ABHD12: variants seen among roughly 807,000 people sequenced by gnomAD.
The protein encoded by ABHD12 is abhydrolase domain containing 12, lysophospholipase.
Under a neutral mutation model 58.3 loss-of-function variants are expected in ABHD12, and 43 were observed. The observed-to-expected ratio is 0.74, with a 90% CI of 0.58 to 0.95. The LOEUF is 0.95. Among genes scored for constraint, ABHD12 ranks in the 40% least tolerant of loss-of-function variants. ABHD12 has a pLI of 0.00. For missense variants in ABHD12, 539 were observed against 537.2 expected (o/e 1.00, Z -0.03); for synonymous variants, 219 against 211.2 (o/e 1.04, Z -0.32).
At chr20:25,351,115 T>C (rs1041703825) in intron 1 of ABHD12, among the ~76,000 whole-genome samples, 1 of 152,174 alleles carries the variant, frequency 6.6e-6, no homozygotes, top group African/African-American at 2.4e-5. Flanking sequence ...GATCTGTCTA[T>C]TGTCATTTAA....
At chr20:25,304,336 G>C (rs561748046) in intron 10 of ABHD12, among the ~76,000 whole-genome samples, 119 of 152,364 alleles carry the variant, frequency 7.8e-4, no homozygotes, top group African/African-American at 2.8e-3. Context: ...TCTGATGTGC[G>C]AGTCCCTCTC....
chr20:25,372,846 C>A (rs1159760540), intron 1 of ABHD12, among the ~76,000 whole-genome samples: 4 of 152,200 alleles, frequency 2.6e-5, no homozygotes, highest in Non-Finnish European at 5.9e-5. Context: ...ATGTCCTAAG[C>A]CTTCACATTC....
At chr20:25,303,240 C>T (rs1053012045) in intron 11 of ABHD12, 2 of 1,235,518 alleles carry the variant, frequency 1.6e-6, no homozygotes, top group Non-Finnish European at 2.1e-6. Flanking sequence ...GCTCTGATAA[C>T]ATAGGCAGCC....
intron 1 of ABHD12, among the ~76,000 whole-genome samples, chr20:25,385,030 C>T (rs2090070352): frequency 6.6e-6 from 1 of 152,008 alleles, no homozygotes; most frequent in Non-Finnish European, 1.5e-5. Context: ...ATATTACTGA[C>T]TAGCCTAAAT....
At chr20:25,356,673 C>T (rs78099514) in intron 1 of ABHD12, among the ~76,000 whole-genome samples, 2,566 of 152,298 alleles carry the variant, frequency 0.017, 34 homozygotes, top group Non-Finnish European at 0.024. Flanking sequence ...AAAAGCCCTG[C>T]GGAGCACCAG....
At chr20:25,316,107 G>A (rs2088956557) in intron 5 of ABHD12, among the ~76,000 whole-genome samples, 1 of 152,234 alleles carries the variant, frequency 6.6e-6, no homozygotes, top group South Asian at 2.1e-4. Context: ...TTGCTGGGGT[G>A]AGCCTACGAC....
chr20:25,315,422 A>AT (rs950136349), intron 5 of ABHD12, among the ~76,000 whole-genome samples: 4 of 150,846 alleles, frequency 2.7e-5, no homozygotes, highest in East Asian at 2.0e-4. Flanking sequence ...GCTCTTGTCA[A>AT]TTTTTTTTTC....
At chr20:25,372,054 T>C (rs1050281189) in intron 1 of ABHD12, among the ~76,000 whole-genome samples, 42 of 152,088 alleles carry the variant, frequency 2.8e-4, no homozygotes, top group African/African-American at 9.7e-4. Flanking sequence ...TAGGCTGGAG[T>C]GCAGTGGCAT....
At chr20:25,352,122 G>C (rs1482502718) in intron 1 of ABHD12, among the ~76,000 whole-genome samples, 4 of 151,824 alleles carry the variant, frequency 2.6e-5, no homozygotes, top group Non-Finnish European at 4.4e-5. Context: ...CTCCCAAGTA[G>C]CTGGGATTAC....
chr20:25,318,556 G>A (rs1379936376), intron 4 of ABHD12, among the ~76,000 whole-genome samples: 1 of 152,174 alleles, frequency 6.6e-6, no homozygotes, highest in Non-Finnish European at 1.5e-5. Context: ...AGCAGGCAAC[G>A]TGGGGGTGGC....
chr20:25,339,492 C>A (rs1395936274), intron 1 of ABHD12, 141 bp from the exon 2 acceptor site: 2 of 1,412,578 alleles, frequency 1.4e-6, no homozygotes, highest in East Asian at 4.8e-5. Flanking sequence ...ATAAAAGTAG[C>A]CTCCCACCTG....
intron 2 of ABHD12, among the ~76,000 whole-genome samples, chr20:25,326,459 T>C (rs185632938): frequency 1.2e-4 from 18 of 152,310 alleles, no homozygotes; most frequent in African/African-American, 4.1e-4. Flanking sequence ...TTTTAGGACC[T>C]CAAGAGGAGA....
At chr20:25,338,942 A>G in intron 2 of ABHD12, 1 of 1,216,842 alleles carries the variant, frequency 8.2e-7, no homozygotes, top group Non-Finnish European at 1.0e-6. Context: ...TGTGGACAGA[A>G]ATCCAGTGCT....
chr20:25,369,256 G>C (rs541811661), intron 1 of ABHD12, among the ~76,000 whole-genome samples: 1 of 152,162 alleles, frequency 6.6e-6, no homozygotes, highest in Non-Finnish European at 1.5e-5. Flanking sequence ...CGTCTTTAGA[G>C]AAATGTCTCT....
In ABHD12 at chr20:25,300,653, C is replaced by A; in HGVS notation, c.*192G>T. On this transcript the variant is annotated 3_prime_UTR_variant, in exon 13 of 13. Transcript: ENST00000339157. ...CTGCCACCCACGCTTTCCACACAGCCATGCTCAGGCCTCCGGGCACTGCAG... is the reference window on the plus strand; with the variant it reads ...CTGCCACCCACGCTTTCCACACAGCAATGCTCAGGCCTCCGGGCACTGCAG... 1 of 1,494,542 alleles carries A rather than the reference C, an allele frequency of 6.7e-7. No individual in the cohort carries two copies. Among genetic ancestry groups the A allele is most frequent in the Non-Finnish European group, 8.9e-7 (1 of 1,125,976 alleles). 92.6% of individuals were successfully genotyped at this position (1,494,542 alleles called of 1,614,324 possible). A position where few individuals can be genotyped will look rare whatever the true frequency, so the allele number is the denominator to read the frequency against.
At chr20:25,301,670 G>A (rs1355039136) in intron 12 of ABHD12, among the ~76,000 whole-genome samples, 1 of 152,254 alleles carries the variant, frequency 6.6e-6, no homozygotes, top group Non-Finnish European at 1.5e-5. Flanking sequence ...GGAGGCCGGG[G>A]GTTGGTCCAT....
intron 2 of ABHD12, among the ~76,000 whole-genome samples, chr20:25,330,105 C>T (rs999043447): frequency 1.3e-5 from 2 of 152,222 alleles, no homozygotes; most frequent in South Asian, 2.1e-4. Context: ...AGTGGGTACG[C>T]GCACCGTGCG....
In ABHD12 at chr20:25,308,753, C is replaced by T. The variant is rs41308633; in HGVS notation, c.750-259G>A. On this transcript the variant is annotated intron_variant, in intron 7 of 12. Transcript: ENST00000339157. ...GTGTGTCCTGCTGCCTCTCACTGCC[C>T]GTACACTCCCATTGGCCGGGCCGCC... 7.2e-3 allele frequency among the ~76,000 whole-genome samples: 1,097 copies of T among 152,276 alleles called. 5 individuals are homozygous for T. Among genetic ancestry groups the T allele is most frequent in the Middle Eastern group, 0.02 (6 of 294 alleles).
At chr20:25,319,479 C>T (rs1212412356) in intron 4 of ABHD12, among the ~76,000 whole-genome samples, 1 of 152,200 alleles carries the variant, frequency 6.6e-6, no homozygotes, top group Non-Finnish European at 1.5e-5. Context: ...CAGCCTCTCC[C>T]TCCTGCCCCT....
Sources: gnomAD v4.1 joint callset for allele counts (sites outside exome capture counted in the v4.1 genomes callset) on GRCh38, gnomAD v4.1.1 for gene constraint, MANE v1.5 for transcripts, NCBI Gene and HGNC (gene_info 2026-07-23, HGNC 2026-07-21) for gene names.